NUGGC: variants seen among roughly 807,000 people sequenced by gnomAD.
NUGGC encodes nuclear GTPase SLIP-GC.
NUGGC carries 58 observed loss-of-function variants against 92.6 expected under a neutral mutation model. The ratio of observed to expected loss-of-function variants is 0.63; its 90% CI spans 0.51 to 0.78. NUGGC has a LOEUF of 0.78. Among genes scored for constraint, NUGGC ranks in the 30% least tolerant of loss-of-function variants. The probability of loss-of-function intolerance (pLI) is 0.00; values close to 1 mark genes in which losing one functional copy is unlikely to be tolerated. For missense variants in NUGGC, 925 were observed against 964.6 expected, an observed-to-expected ratio of 0.96 and a Z score of 0.54; for synonymous variants, 376 against 366.4, an observed-to-expected ratio of 1.03 and a Z score of -0.30.
chr8:28,034,171 T>C (rs949603241), intron 13 of NUGGC, among the ~76,000 whole-genome samples: 4 of 152,262 alleles, frequency 2.6e-5, no homozygotes, highest in Non-Finnish European at 5.9e-5. Context: ...TTTCTAAGGA[T>C]AGTCCAGATT....
chr8:28,031,974 A>T (rs895910763), intron 14 of NUGGC, among the ~76,000 whole-genome samples: 4 of 152,300 alleles, frequency 2.6e-5, no homozygotes, highest in African/African-American at 9.6e-5. Flanking sequence ...AAAAAGACAG[A>T]AGCCACTCCT....
Position 28,033,567 on chromosome 8 carries a change from A to T in NUGGC, c.1742T>A (p.Ile581Asn). Reference protein sequence around the residue: ...EALTQPVYDQIDPVFGSIFRT... With the variant: ...EALTQPVYDQNDPVFGSIFRT... ...AAAAATGCTTCCAAAAACAGGGTCGATCTGGTCATAGACGGGCTGAGTGAG... is the reference window on the plus strand; with the variant it reads ...AAAAATGCTTCCAAAAACAGGGTCGTTCTGGTCATAGACGGGCTGAGTGAG... The change falls in exon 14 of 19, where the codon ATC becomes AAC. Residue 581 changes from isoleucine (I) to asparagine (N), a missense_variant. Ile to Asn is a moderately radical substitution (Grantham distance 149). Coordinates refer to ENST00000413272, the MANE Select transcript of NUGGC (RefSeq NM_001010906.2). 1 of 1,613,882 alleles carries T rather than the reference A, an allele frequency of 6.2e-7. No individual in the cohort carries two copies. The highest frequency in any genetic ancestry group is 2.2e-5 in the East Asian group (1 of 44,886).
rs1809143111 is a variant in NUGGC, at chr8:28,022,489, T to C, written c.*828A>G. ...AGATGTTTTTGCGGAAGCAAAAGTT[T>C]CTTGCCCTAAAGCTTTAGAACTCCA... On this transcript the variant is annotated 3_prime_UTR_variant, in exon 19 of 19. Transcript: ENST00000413272. 1 of 152,194 alleles carries C rather than the reference T, an allele frequency of 6.6e-6. No individual in the cohort carries two copies. The highest frequency in any genetic ancestry group is 2.4e-5 in the African/African-American group (1 of 41,454). The allele number at this position is 152,194 out of a possible 1,614,324, so 9.4% of individuals were successfully genotyped here. A position where few individuals can be genotyped will look rare whatever the true frequency, so the allele number is the denominator to read the frequency against.
chr8:28,079,535 T>C (rs1187888939), intron 1 of NUGGC, among the ~76,000 whole-genome samples: 1 of 151,818 alleles, frequency 6.6e-6, no homozygotes, highest in Non-Finnish European at 1.5e-5. Flanking sequence ...GATTTCGTCT[T>C]AAAAAAAAGA....
chr8:28,072,266 C>G (rs1300581110), intron 2 of NUGGC, among the ~76,000 whole-genome samples: 2 of 152,222 alleles, frequency 1.3e-5, no homozygotes, highest in Admixed American at 6.5e-5. Context: ...GGTTTGAGGA[C>G]TGCCTTAGAA....
rs9314357 is a variant in NUGGC at position 28,029,386 on chromosome 8, C to A, written c.2034G>T (p.Thr678=). Residue 678 remains threonine (T), a synonymous_variant, in exon 17 of 19, where the codon ACG becomes ACT. Coordinates refer to ENST00000413272, the MANE Select transcript of NUGGC (RefSeq NM_001010906.2). ...KLCYEEAAQI[T]GKKACERMKD... is the part of the protein sequence containing the mutation. ...TCATCCGCTCACACGCTTTTTTGCC[C>A]GTGATCTGAGCTGCCTCTGGCAAAA... 1.2e-6 allele frequency: 2 copies of A among 1,611,158 alleles called. No individual in the cohort carries two copies. The highest frequency in any genetic ancestry group is 2.2e-5 in the East Asian group (1 of 44,776).
At chr8:28,029,827 A>AAT (rs899919010) in intron 16 of NUGGC, among the ~76,000 whole-genome samples, 4 of 152,016 alleles carry the variant, frequency 2.6e-5, no homozygotes, top group African/African-American at 7.2e-5. Context: ...AACAACAACA[A>AAT]ATATATATAT....
At chr8:28,035,271 G>C (rs1054973226) in intron 13 of NUGGC, among the ~76,000 whole-genome samples, 5 of 152,158 alleles carry the variant, frequency 3.3e-5, no homozygotes, top group African/African-American at 1.2e-4. Flanking sequence ...TTTATCTATT[G>C]CTATGAAACA....
intron 11 of NUGGC, among the ~76,000 whole-genome samples, chr8:28,046,890 A>G (rs1320814595): frequency 6.6e-6 from 1 of 150,968 alleles, no homozygotes; most frequent in Non-Finnish European, 1.5e-5. Context: ...GTTGGTCTTG[A>G]ACTCCTGACC....
intron 1 of NUGGC, among the ~76,000 whole-genome samples, chr8:28,075,280 G>T (rs1376317086): frequency 6.6e-6 from 1 of 152,126 alleles, no homozygotes; most frequent in East Asian, 1.9e-4. Flanking sequence ...CACCCCTCCT[G>T]GGCTCTCCTT....
rs936845965 is a variant in NUGGC, at chr8:28,045,629, C to T, written c.1344G>A (p.Lys448=). The change falls in exon 12 of 19, where the codon AAG becomes AAA. Residue 448 remains lysine, a synonymous_variant. Transcript: ENST00000413272. The part of the protein sequence containing the change: ...EIPKLREYIR[K]SLLDKKKRTV... ...TCCTCTTCTTCTTGTCCAAGAGGCT[C>T]TTCCTGATGTATTCTCTTAACTTAG... 1 of 1,612,842 alleles carries T rather than the reference C, an allele frequency of 6.2e-7. No homozygotes were observed. Among genetic ancestry groups the T allele is most frequent in the African/African-American group, 1.3e-5 (1 of 74,902 alleles).
At chr8:28,066,437 G>T (rs1476610536) in intron 6 of NUGGC, among the ~76,000 whole-genome samples, 3 of 152,124 alleles carry the variant, frequency 2.0e-5, no homozygotes, top group African/African-American at 7.2e-5. Flanking sequence ...AATGCAAAAA[G>T]CCTAAGGAAA....
intron 7 of NUGGC, among the ~76,000 whole-genome samples, chr8:28,061,776 T>C (rs1810311819): frequency 6.6e-6 from 1 of 152,202 alleles, no homozygotes; most frequent in Non-Finnish European, 1.5e-5. Flanking sequence ...ACATTTTTAA[T>C]TGTGACAACC....
chr8:28,065,655 G>C (rs1227383122), intron 6 of NUGGC, among the ~76,000 whole-genome samples: 1 of 152,072 alleles, frequency 6.6e-6, no homozygotes, highest in Non-Finnish European at 1.5e-5. Context: ...ATCGCAACTG[G>C]GGTACTTCAG....
chr8:28,035,324 G>T (rs1201668967), intron 13 of NUGGC, among the ~76,000 whole-genome samples: 1 of 152,182 alleles, frequency 6.6e-6, no homozygotes, highest in South Asian at 2.1e-4. Context: ...AAAACAAACA[G>T]TAAACGCCTG....
chr8:28,052,602 C>T (rs1810034793), intron 10 of NUGGC, among the ~76,000 whole-genome samples: 1 of 152,178 alleles, frequency 6.6e-6, no homozygotes, highest in South Asian at 2.1e-4. Context: ...GTACCAGATC[C>T]TTCCTGCAGT....
chr8:28,060,904 T>C (rs931295567), intron 7 of NUGGC, among the ~76,000 whole-genome samples: 1 of 152,214 alleles, frequency 6.6e-6, no homozygotes, highest in Non-Finnish European at 1.5e-5. Context: ...GCAGCGCCTC[T>C]GAGACACAGT....
intron 18 of NUGGC, among the ~76,000 whole-genome samples, chr8:28,026,630 T>C (rs139410210): frequency 2.5e-4 from 38 of 152,342 alleles, no homozygotes; most frequent in African/African-American, 7.7e-4. Flanking sequence ...TCTCTATTTC[T>C]GCATCTGCAA....
intron 10 of NUGGC, 117 bp downstream of exon 10, chr8:28,055,848 T>A (rs7819220): frequency 0.23 from 137,135 of 595,740 alleles, 17,696 homozygotes; most frequent in East Asian, 0.43. Context: ...CAAAAGAAAC[T>A]AACTGTCTAT....
Sources: gnomAD v4.1 joint callset for allele counts (sites outside exome capture counted in the v4.1 genomes callset) on GRCh38, gnomAD v4.1.1 for gene constraint, MANE v1.5 for transcripts, NCBI Gene and HGNC (gene_info 2026-07-23, HGNC 2026-07-21) for gene names.